Variants in RSF1 observed in about 807,000 individuals in gnomAD.
RSF1 encodes the protein remodeling and spacing factor 1.
A neutral mutation model predicts 145.2 loss-of-function variants in RSF1; 13 were observed. The observed-to-expected ratio is 0.09, with a 90% CI of 0.06 to 0.14. The LOEUF is 0.14. RSF1 is among the 10% of genes least tolerant of loss of function. The probability of loss-of-function intolerance (pLI) is 1.00; values close to 1 mark genes in which losing one functional copy is unlikely to be tolerated. For missense variants in RSF1, 1,517 were observed against 1,718.2 expected (o/e 0.88, Z 2.07); for synonymous variants, 577 against 592.6 (o/e 0.97, Z 0.38).
At chr11:77,707,983 A>T (rs1193328449) in intron 5 of RSF1, among the ~76,000 whole-genome samples, 1 of 152,228 alleles carries the variant, frequency 6.6e-6, no homozygotes, top group Non-Finnish European at 1.5e-5. Flanking sequence ...TGATAATAGG[A>T]TAACAACTAA....
At chr11:77,695,978 G>C (rs1960268455) in intron 7 of RSF1, among the ~76,000 whole-genome samples, 1 of 151,994 alleles carries the variant, frequency 6.6e-6, no homozygotes, top group Non-Finnish European at 1.5e-5. Flanking sequence ...ATCCTAACCT[G>C]TACCATGGGG....
chr11:77,767,438 C>T (rs1178217718), intron 1 of RSF1, among the ~76,000 whole-genome samples: 1 of 152,130 alleles, frequency 6.6e-6, no homozygotes, highest in African/African-American at 2.4e-5. Flanking sequence ...TCCTAAATAC[C>T]TACATAAACC....
At chr11:77,692,681 GTTT>G (rs71046905) in intron 8 of RSF1, among the ~76,000 whole-genome samples, 4 of 137,042 alleles carry the variant, frequency 2.9e-5, no homozygotes, top group East Asian at 2.2e-4. Context: ...GCCTGGCGGT[GTTT>G]TTTTTTTTTT....
chr11:77,688,333 A>G (rs1195772876), intron 9 of RSF1, among the ~76,000 whole-genome samples: 2 of 152,186 alleles, frequency 1.3e-5, no homozygotes, highest in Non-Finnish European at 2.9e-5. Flanking sequence ...TCCTTAGTGG[A>G]TGAGCCTATT....
At chr11:77,729,923 A>AAAAAT (rs1961160111) in intron 4 of RSF1, among the ~76,000 whole-genome samples, 2 of 144,792 alleles carry the variant, frequency 1.4e-5, no homozygotes, top group African/African-American at 2.5e-5. Flanking sequence ...AAAAAAAAAA[A>AAAAAT]TTGTGGAGGC....
At chr11:77,713,229 ATTCCT>A (rs1260128957) in intron 5 of RSF1, among the ~76,000 whole-genome samples, 1 of 152,140 alleles carries the variant, frequency 6.6e-6, no homozygotes, top group Middle Eastern at 3.2e-3. Flanking sequence ...TCACGAGAAG[ATTCCT>A]ATACAAAACA....
At chr11:77,706,585 T>G (rs1281724407) in intron 5 of RSF1, among the ~76,000 whole-genome samples, 1 of 152,158 alleles carries the variant, frequency 6.6e-6, no homozygotes, top group African/African-American at 2.4e-5. Flanking sequence ...CTGCCATCAC[T>G]TTTTTGTTTT....
chr11:77,767,699 G>C (rs1322273273), intron 1 of RSF1, among the ~76,000 whole-genome samples: 5 of 152,142 alleles, frequency 3.3e-5, no homozygotes, highest in African/African-American at 1.2e-4. Context: ...CTCCGTGATA[G>C]ATTTCTAGTA....
At chr11:77,784,113 CCTT>C (rs929614279) in intron 1 of RSF1, among the ~76,000 whole-genome samples, 1 of 152,178 alleles carries the variant, frequency 6.6e-6, no homozygotes, top group Non-Finnish European at 1.5e-5. Flanking sequence ...GCTCCATCCT[CCTT>C]CTAGGATCTC....
In RSF1 at chr11:77,820,667, G is replaced by A. The variant is rs767428558; in HGVS notation, c.48C>T (p.Cys16=). The change falls in exon 1 of 16, where the codon TGC becomes TGT. Residue 16 remains cysteine, a synonymous_variant. Transcript: ENST00000308488. ...CGGCGAAGTTGGGGCACGAACCCGG[G>A]CAGCCCGGAGGAGCCATCACCGCCG... ...AAAAVMAPPG[C]PGSCPNFAVV... 22 of 1,556,670 alleles carry A rather than the reference G, an allele frequency of 1.4e-5. No individual in the cohort carries two copies. The Admixed American group carries it at 3.5e-4, about 25-fold the overall frequency.
rs568643501 is a variant in RSF1 at position 77,700,329 on chromosome 11, G to A, written c.2508+392C>T. 2.0e-3 allele frequency among the ~76,000 whole-genome samples: 217 copies of A among 110,836 alleles called. 3 individuals are homozygous for A. The highest frequency in any genetic ancestry group is 0.011 in the Middle Eastern group (1 of 88). 72.7% of individuals were successfully genotyped at this position (110,836 alleles called of 152,430 possible). A position where few individuals can be genotyped will look rare whatever the true frequency, so the allele number is the denominator to read the frequency against. On this transcript the variant is annotated intron_variant, in intron 6 of 15. Transcript: ENST00000308488. ...TAGTGCCATTGCACTCCAGCCTGGC[G>A]ACAGAGCAAGACTGTCTCACAAAAA...
Position 77,698,487 on chromosome 11 carries a change from T to C in RSF1, c.2715A>G (p.Leu905=), listed in dbSNP as rs373943341. The part of the protein sequence containing the change: ...KKCGLPNHPE[L]ILLCDSCDSG... The stretch of plus-strand genomic sequence containing the variant: ...TTCTTCATTTACATCAGGTACATAC[T>C]AGCTCAGGATGGTTTGGAAGGCCAC... Residue 905 remains leucine, a splice_region_variant and synonymous_variant, in exon 7 of 16, where the codon CTA becomes CTG. Coordinates refer to ENST00000308488, the MANE Select transcript of RSF1 (RefSeq NM_016578.4). 5 of 1,613,476 alleles carry C rather than the reference T, an allele frequency of 3.1e-6. No individual in the cohort carries two copies. The highest frequency in any genetic ancestry group is 1.1e-5 in the South Asian group (1 of 91,072).
At chr11:77,710,618 C>G (rs1250142334) in intron 5 of RSF1, among the ~76,000 whole-genome samples, 1 of 152,168 alleles carries the variant, frequency 6.6e-6, no homozygotes, top group Non-Finnish European at 1.5e-5. Flanking sequence ...AACTACTTCT[C>G]TGGTGTTGAG....
At chr11:77,831,753 TG>T in the RSF1 span, 3 of 150,380 alleles carry the variant, frequency 2.0e-5, no homozygotes, top group African/African-American at 7.4e-5. Context: ...TGGAGTGCAG[TG>T]GTACGATCTT....
intron 1 of RSF1, among the ~76,000 whole-genome samples, chr11:77,797,078 T>C (rs1305083331): frequency 6.6e-6 from 1 of 152,228 alleles, no homozygotes; most frequent in African/African-American, 2.4e-5. Context: ...AAAATGGCCA[T>C]ACTGCCAAAA....
intron 2 of RSF1, among the ~76,000 whole-genome samples, chr11:77,747,826 A>C (rs1948017824): frequency 6.6e-6 from 1 of 152,228 alleles, no homozygotes; most frequent in African/African-American, 2.4e-5. Context: ...GTGAAATGCA[A>C]ATGGGTTCTA....
chr11:77,839,935 A>G, the RSF1 span, among the ~76,000 whole-genome samples: 1 of 152,172 alleles, frequency 6.6e-6, no homozygotes, highest in African/African-American at 2.4e-5. Context: ...GTACCTATGT[A>G]ATGAACGTGC....
intron 1 of RSF1, among the ~76,000 whole-genome samples, chr11:77,799,751 T>C (rs1183854575): frequency 3.9e-5 from 6 of 152,100 alleles, no homozygotes; most frequent in Non-Finnish European, 1.5e-5. Context: ...TTAATAAAAT[T>C]GATAAACCTT....
chr11:77,749,724 T>C (rs1948040689), intron 2 of RSF1, among the ~76,000 whole-genome samples: 1 of 152,226 alleles, frequency 6.6e-6, no homozygotes, highest in African/African-American at 2.4e-5. Flanking sequence ...TACATTTGTT[T>C]TGCAGATTTC....
Sources: allele counts gnomAD v4.1 joint callset (sites outside exome capture counted in the v4.1 genomes callset), GRCh38; gene constraint gnomAD v4.1.1; transcripts MANE v1.5; gene names NCBI Gene and HGNC (gene_info 2026-07-23, HGNC 2026-07-21).